Variants in GON4L observed in about 807,000 individuals in gnomAD.
The protein encoded by GON4L is GON-4-like protein.
A neutral mutation model predicts 211.8 loss-of-function variants in GON4L; 87 were observed. That is an observed-to-expected ratio of 0.41 (90% CI 0.35 to 0.49). The LOEUF (loss-of-function observed/expected upper bound fraction) is 0.49, where lower values mean the gene tolerates loss of function less well. Among genes scored for constraint, GON4L ranks in the 20% least tolerant of loss-of-function variants. GON4L has a pLI of 0.15. For synonymous variants in GON4L, 875 were observed against 962.6 expected, an observed-to-expected ratio of 0.91 and a Z score of 1.68; for missense variants, 2,155 against 2,659.5, an observed-to-expected ratio of 0.81 and a Z score of 4.17.
At chr1:155,840,841 T>C (rs1227773766) in intron 2 of GON4L, among the ~76,000 whole-genome samples, 1 of 152,194 alleles carries the variant, frequency 6.6e-6, no homozygotes, top group South Asian at 2.1e-4. Flanking sequence ...AAGATCAGCC[T>C]GACCAACATG....
At chr1:155,835,173 A>T (rs1670184735) in intron 2 of GON4L, among the ~76,000 whole-genome samples, 1 of 152,024 alleles carries the variant, frequency 6.6e-6, no homozygotes, top group Non-Finnish European at 1.5e-5. Flanking sequence ...CTTACCCCCA[A>T]CCCTGTGCTC....
intron 21 of GON4L, chr1:155,764,302 G>A (rs1313982757): frequency 6.4e-6 from 1 of 155,564 alleles, no homozygotes; most frequent in African/African-American, 2.4e-5. Context: ...ATTTTTAGTA[G>A]GGATGGAGTT....
intron 3 of GON4L, among the ~76,000 whole-genome samples, chr1:155,824,394 A>G (rs1460904333): frequency 7.2e-6 from 1 of 138,052 alleles, no homozygotes; most frequent in African/African-American, 2.8e-5. Context: ...AGATTGCACC[A>G]TTGCACTCCA....
rs1378937970 is a variant in GON4L at position 155,749,905 on chromosome 1, T to C, written c.*679A>G. 2 of 1,583,754 alleles carry C rather than the reference T, an allele frequency of 1.3e-6. No homozygotes were observed. Among genetic ancestry groups the C allele is most frequent in the Non-Finnish European group, 1.7e-6 (2 of 1,164,604 alleles). ...ATAATCATCCATCTACAGGTCTCTG[T>C]TTCCTCTCCCTCCACAGCAGTGGAG... On this transcript the variant is annotated 3_prime_UTR_variant, in exon 32 of 32. Coordinates refer to ENST00000368331, the MANE Select transcript of GON4L (RefSeq NM_001282860.2).
chr1:155,835,430 C>G (rs1400431720), intron 2 of GON4L, among the ~76,000 whole-genome samples: 1 of 151,478 alleles, frequency 6.6e-6, no homozygotes, highest in Non-Finnish European at 1.5e-5. Context: ...CTGCCAAATC[C>G]CCCTCTGCGA....
At chr1:155,799,438 A>G (rs1666418358) in intron 11 of GON4L, among the ~76,000 whole-genome samples, 2 of 152,154 alleles carry the variant, frequency 1.3e-5, no homozygotes, top group African/African-American at 4.8e-5. Flanking sequence ...CTGTCTCAAA[A>G]CAAAACAAAA....
At chr1:155,835,643 T>C (rs1317852323) in intron 2 of GON4L, among the ~76,000 whole-genome samples, 1 of 152,188 alleles carries the variant, frequency 6.6e-6, no homozygotes. Flanking sequence ...TCTGGGTATT[T>C]TGGCATTTGG....
intron 2 of GON4L, among the ~76,000 whole-genome samples, chr1:155,832,279 CAAAAAAAAAAAAA>C (rs71080731): frequency 5.2e-5 from 3 of 57,356 alleles, no homozygotes; most frequent in Admixed American, 2.6e-4. Flanking sequence ...GACTCCGTCT[CAAAAAAAAAAAAA>C]AAAAAAAAAA....
chr1:155,777,881 T>C, intron 14 of GON4L, 61 bp from the exon 15 acceptor site: 1 of 971,420 alleles, frequency 1.0e-6, no homozygotes, highest in East Asian at 2.4e-5. Flanking sequence ...ACACATCCAA[T>C]TCGTTCCAAT....
intron 22 of GON4L, among the ~76,000 whole-genome samples, chr1:155,762,727 A>G (rs1214051360): frequency 3.3e-5 from 5 of 152,182 alleles, no homozygotes; most frequent in Non-Finnish European, 4.4e-5. Context: ...CATGACAGAT[A>G]AGGTAACAAT....
chr1:155,814,534 A>G lies in GON4L; in HGVS notation c.1162-85T>C, dbSNP rs1668065980. 13 of 1,365,954 alleles carry G rather than the reference A, an allele frequency of 9.5e-6. No individual in the cohort carries two copies. The South Asian group carries it at 1.3e-4, about 13-fold the overall frequency. The allele number at this position is 1,365,954 out of a possible 1,614,324, so 84.6% of individuals were successfully genotyped here. A position where few individuals can be genotyped will look rare whatever the true frequency, so the allele number is the denominator to read the frequency against. The stretch of plus-strand genomic sequence containing the variant: ...GAAGTATCTCAAGAGAAGGAATCAT[A>G]AAATATCAATCACTCAGCCTGGCCA... On this transcript the variant is annotated intron_variant, in intron 8 of 31. Coordinates refer to ENST00000368331, the MANE Select transcript of GON4L (RefSeq NM_001282860.2).
chr1:155,836,478 G>C (rs1190849860), intron 2 of GON4L, among the ~76,000 whole-genome samples: 1 of 152,130 alleles, frequency 6.6e-6, no homozygotes, highest in Non-Finnish European at 1.5e-5. Flanking sequence ...TTGAACTCCT[G>C]ACCTCGTGAT....
At chr1:155,858,702 A>C (rs1471221475), upstream of GON4L, among the ~76,000 whole-genome samples, 12 of 103,352 alleles carry the variant, frequency 1.2e-4, no homozygotes, top group East Asian at 4.0e-3. Flanking sequence ...TGTACAACCA[A>C]ATTTTTTTTT....
chr1:155,750,715 C>T lies in GON4L; in HGVS notation c.6595G>A (p.Glu2199Lys). 1 of 1,587,926 alleles carries T rather than the reference C, an allele frequency of 6.3e-7. No homozygotes were observed. The highest frequency in any genetic ancestry group is 8.6e-7 in the Non-Finnish European group (1 of 1,167,490). ...TPAEVSHRFR[E>K]LMQLFHTACE... The stretch of plus-strand genomic sequence containing the variant: ...GCAGTGTGGAAGAGCTGCATGAGTT[C>T]TCGAAAACGGTGGGAAACCTAAGAA... Residue 2199 changes from glutamate to lysine, a missense_variant, in exon 32 of 32, where the codon GAA becomes AAA. Transcript: ENST00000368331.
intron 12 of GON4L, among the ~76,000 whole-genome samples, chr1:155,789,806 G>A (rs1665338976): frequency 6.6e-6 from 1 of 151,870 alleles, no homozygotes; most frequent in Non-Finnish European, 1.5e-5. Flanking sequence ...CAAAATCTGA[G>A]GATGCTCAAG....
In GON4L at chr1:155,814,329, CCTCTGATAATATGCCACT is replaced by C; in HGVS notation, c.1264_1281del (p.Ser422_Glu427del). On this transcript the variant is annotated inframe_deletion and splice_region_variant, in exon 9 of 32. Coordinates refer to ENST00000368331, the MANE Select transcript of GON4L (RefSeq NM_001282860.2). ...ATCTCTTTTGTATGATGCCGATTTA[CCTCTGATAATATGCCACT>C]CTCCTCATCTGTTTCAGTCATCTCA... 6.2e-7 allele frequency: 1 copy of C among 1,612,584 alleles called. No homozygotes were observed. Among genetic ancestry groups the C allele is most frequent in the African/African-American group, 1.3e-5 (1 of 75,032 alleles).
At chr1:155,788,319 T>C (rs1665165774) in intron 12 of GON4L, among the ~76,000 whole-genome samples, 1 of 152,178 alleles carries the variant, frequency 6.6e-6, no homozygotes, top group South Asian at 2.1e-4. Context: ...ATCCAAATGT[T>C]ACTGAGGATG....
intron 1 of GON4L, among the ~76,000 whole-genome samples, 182 bp from the exon 2 acceptor site, chr1:155,853,988 AC>A (rs1288571943): frequency 6.6e-6 from 1 of 152,184 alleles, no homozygotes; most frequent in African/African-American, 2.4e-5. Flanking sequence ...TCTCAACTCT[AC>A]TGATTACTAC....
chr1:155,856,798 A>C (rs1037276464), intron 1 of GON4L, among the ~76,000 whole-genome samples: 2 of 152,172 alleles, frequency 1.3e-5, no homozygotes, highest in African/African-American at 2.4e-5. Flanking sequence ...GAAGGAAAGA[A>C]AGACAGCTAC....
Sources: allele counts gnomAD v4.1 joint callset (sites outside exome capture counted in the v4.1 genomes callset), GRCh38; gene constraint gnomAD v4.1.1; transcripts MANE v1.5; gene names NCBI Gene and HGNC (gene_info 2026-07-23, HGNC 2026-07-21).